RALGAPA2: variants seen among roughly 807,000 people sequenced by gnomAD.
RALGAPA2 encodes Ral GTPase activating protein catalytic subunit alpha 2, also known as ral GTPase-activating protein subunit alpha-2.
RALGAPA2 carries 139 observed loss-of-function variants against 230.4 expected under a neutral mutation model. That is an observed-to-expected ratio of 0.60 (90% CI 0.53 to 0.69). RALGAPA2 has a LOEUF of 0.69. Among genes scored for constraint, RALGAPA2 ranks in the 30% least tolerant of loss-of-function variants. The pLI is 0.00. For missense variants in RALGAPA2, 2,163 were observed against 2,276.0 expected, an observed-to-expected ratio of 0.95 and a Z score of 1.01; for synonymous variants, 847 against 837.8, an observed-to-expected ratio of 1.01 and a Z score of -0.19.
intron 1 of RALGAPA2, among the ~76,000 whole-genome samples, chr20:20,684,405 C>G (rs1175493896): frequency 6.6e-6 from 1 of 152,152 alleles, no homozygotes; most frequent in Non-Finnish European, 1.5e-5. Flanking sequence ...ATCAGCAAAC[C>G]AAACAAAGAG....
intron 37 of RALGAPA2, among the ~76,000 whole-genome samples, chr20:20,446,831 T>C (rs2060875677): frequency 6.6e-6 from 1 of 152,182 alleles, no homozygotes; most frequent in Non-Finnish European, 1.5e-5. Context: ...GAGTGACAAG[T>C]CACCGAGCCT....
chr20:20,573,315 G>T (rs1223610279), intron 20 of RALGAPA2, among the ~76,000 whole-genome samples: 1 of 152,244 alleles, frequency 6.6e-6, no homozygotes, highest in East Asian at 1.9e-4. Flanking sequence ...CCTGTGATGG[G>T]TTTTATAGAT....
chr20:20,627,582 A>C (rs911563640), intron 10 of RALGAPA2, among the ~76,000 whole-genome samples: 1 of 152,162 alleles, frequency 6.6e-6, no homozygotes, highest in African/African-American at 2.4e-5. Context: ...CCCTCTCAGT[A>C]AACTTGTGCC....
rs967857742 is a variant in RALGAPA2, at chr20:20,588,999, G to A, written c.2439+269C>T. 2.6e-5 allele frequency among the ~76,000 whole-genome samples: 4 copies of A among 152,046 alleles called. No individual in the cohort carries two copies. The East Asian group carries it at 5.8e-4, about 22-fold the overall frequency. On this transcript the variant is annotated intron_variant, in intron 18 of 39. Coordinates refer to ENST00000202677, the MANE Select transcript of RALGAPA2 (RefSeq NM_020343.4). ...CTGAAACGTAGGTTTAACAGGCAAA[G>A]GTAACTGCTTAAAAATACACAGTGC...
rs749222197 is a variant in RALGAPA2 at position 20,676,281 on chromosome 20, A to G, written c.225T>C (p.Asn75=). ...AGTCCAGCTCCTCCCTTTGTGACTT[A>G]TTATTCCCTGGAATATTAAAAAATA... The part of the protein sequence containing the change: ...LENSLKLKGN[N]KSQREELDSI... Residue 75 remains asparagine, a synonymous_variant, in exon 3 of 40, where the codon AAT becomes AAC. Transcript: ENST00000202677. 3.5e-5 allele frequency: 55 copies of G among 1,560,582 alleles called. No homozygotes were observed. The highest frequency in any genetic ancestry group is 4.2e-5 in the Non-Finnish European group (48 of 1,136,900).
At chr20:20,642,957 A>G (rs2067090434) in intron 5 of RALGAPA2, among the ~76,000 whole-genome samples, 1 of 152,240 alleles carries the variant, frequency 6.6e-6, no homozygotes, top group African/African-American at 2.4e-5. Context: ...TCTCAGCATC[A>G]AGAAGTATAT....
intron 15 of RALGAPA2, among the ~76,000 whole-genome samples, chr20:20,604,558 T>C (rs559193331): frequency 6.6e-6 from 1 of 152,258 alleles, no homozygotes; most frequent in Non-Finnish European, 1.5e-5. Context: ...CTTGGATGAG[T>C]CAATCACTGT....
chr20:20,652,096 T>C (rs564631018), intron 4 of RALGAPA2, among the ~76,000 whole-genome samples: 33 of 152,348 alleles, frequency 2.2e-4, no homozygotes, highest in African/African-American at 4.3e-4. Flanking sequence ...TTTGGTTCAA[T>C]TGACATATAC....
intron 18 of RALGAPA2, among the ~76,000 whole-genome samples, chr20:20,588,500 G>A (rs779989156): frequency 3.9e-5 from 6 of 152,190 alleles, no homozygotes; most frequent in Non-Finnish European, 7.4e-5. Flanking sequence ...CCTCTCTGAG[G>A]GGAGATAGCA....
At chr20:20,651,550 T>A (rs1230841177) in intron 4 of RALGAPA2, among the ~76,000 whole-genome samples, 1 of 152,200 alleles carries the variant, frequency 6.6e-6, no homozygotes, top group Non-Finnish European at 1.5e-5. Context: ...CTTGCTAAGA[T>A]GCTGCCAAAC....
At chr20:20,525,729 A>G (rs1216892151) in intron 28 of RALGAPA2, among the ~76,000 whole-genome samples, 1 of 152,172 alleles carries the variant, frequency 6.6e-6, no homozygotes, top group East Asian at 1.9e-4. Flanking sequence ...CCTTCAGGAT[A>G]TGACTGTGGA....
chr20:20,555,816 C>A (rs982420749), intron 23 of RALGAPA2, among the ~76,000 whole-genome samples: 5 of 151,994 alleles, frequency 3.3e-5, no homozygotes, highest in African/African-American at 1.2e-4. Flanking sequence ...GTGTGTATTT[C>A]TTGAGGTTTT....
chr20:20,510,263 T>A (rs2062662622), intron 33 of RALGAPA2, among the ~76,000 whole-genome samples: 1 of 152,192 alleles, frequency 6.6e-6, no homozygotes, highest in African/African-American at 2.4e-5. Context: ...TTTCTGAAAT[T>A]CTAAGATATG....
In RALGAPA2 at chr20:20,591,319, G is replaced by A. The variant is rs752838191; in HGVS notation, c.2204-5C>T. The A allele has an allele frequency of 6.2e-6, 10 of 1,610,384 alleles. No homozygotes were observed. The East Asian group carries it at 1.8e-4, about 29-fold the overall frequency. On this transcript the variant is annotated splice_region_variant and splice_polypyrimidine_tract_variant and intron_variant, in intron 16 of 39. Transcript: ENST00000202677. ...ACTGTTGACACTCCTCCACTTCTGTGAGCATTAACAAAACATGCAAAGTTA... is the reference window on the plus strand; with the variant it reads ...ACTGTTGACACTCCTCCACTTCTGTAAGCATTAACAAAACATGCAAAGTTA...
intron 12 of RALGAPA2, among the ~76,000 whole-genome samples, chr20:20,618,270 G>A (rs370571823): frequency 6.6e-6 from 1 of 152,194 alleles, no homozygotes; most frequent in Non-Finnish European, 1.5e-5. Flanking sequence ...CTAAAAGATG[G>A]AGCTACTGAG....
At chr20:20,700,304 G>T (rs957541519) in intron 1 of RALGAPA2, among the ~76,000 whole-genome samples, 1 of 152,058 alleles carries the variant, frequency 6.6e-6, no homozygotes, top group Admixed American at 6.6e-5. Context: ...CTACCTAGAG[G>T]GGGGATGGAG....
intron 37 of RALGAPA2, among the ~76,000 whole-genome samples, chr20:20,430,698 C>T (rs2060482729): frequency 6.6e-6 from 1 of 152,158 alleles, no homozygotes; most frequent in African/African-American, 2.4e-5. Flanking sequence ...ACTGCCTTTA[C>T]CTTTCGGAGT....
chr20:20,502,231 C>A (rs1462406227), intron 35 of RALGAPA2, among the ~76,000 whole-genome samples: 2 of 152,174 alleles, frequency 1.3e-5, no homozygotes, highest in Non-Finnish European at 2.9e-5. Flanking sequence ...ACAAGGTATG[C>A]CTGTACATAG....
rs1384175946 is a variant in RALGAPA2 at position 20,512,809 on chromosome 20, A to G, written c.4560T>C (p.Leu1520=). Residue 1520 remains leucine (L), a synonymous_variant, in exon 32 of 40, where the codon CTT becomes CTC. Transcript: ENST00000202677. ...SSQVEEGDDV[L]DKLLENIGHT... is the part of the protein sequence containing the mutation. Reference sequence around the variant, plus strand: ...GGCCAATGTTTTCAAGTAATTTGTCAAGAACATCATCCCCCTCCTCAACTT... The same window carrying G: ...GGCCAATGTTTTCAAGTAATTTGTCGAGAACATCATCCCCCTCCTCAACTT... 1 of 1,613,856 alleles carries G rather than the reference A, an allele frequency of 6.2e-7. No individual in the cohort carries two copies.
Sources: allele counts gnomAD v4.1 joint callset (sites outside exome capture counted in the v4.1 genomes callset), GRCh38; gene constraint gnomAD v4.1.1; transcripts MANE v1.5; gene names NCBI Gene and HGNC (gene_info 2026-07-23, HGNC 2026-07-21).